R3HDM2: variants seen among roughly 807,000 people sequenced by gnomAD.
R3HDM2 encodes the protein R3H domain-containing protein 2.
A neutral mutation model predicts 124.5 loss-of-function variants in R3HDM2; 38 were observed. The ratio of observed to expected loss-of-function variants is 0.31; its 90% CI spans 0.24 to 0.40. The LOEUF is 0.40. Among genes scored for constraint, R3HDM2 ranks in the 10% least tolerant of loss-of-function variants. The pLI is 1.00. For missense variants in R3HDM2, 869 were observed against 1,236.9 expected (o/e 0.70, Z 4.46); for synonymous variants, 391 against 448.0 (o/e 0.87, Z 1.61).
At chr12:57,312,496 A>G (rs574339079) in intron 2 of R3HDM2, among the ~76,000 whole-genome samples, 4 of 152,240 alleles carry the variant, frequency 2.6e-5, no homozygotes, top group Non-Finnish European at 5.9e-5. Context: ...GCTCTTCAGC[A>G]GCTGCCTGGA....
In R3HDM2 at chr12:57,300,184, G is replaced by GA. The variant is rs1238831702; in HGVS notation, c.208-4dup. 7.1e-6 allele frequency: 11 copies of GA among 1,547,912 alleles called. No homozygotes were observed. The highest frequency in any genetic ancestry group is 8.7e-6 in the Non-Finnish European group (10 of 1,145,350). ...ACCAACTTTAGCTTGGAATTAGACTGAAAAAAACAAAAAACAATTTTCAAT... is the reference window on the plus strand; with the variant it reads ...ACCAACTTTAGCTTGGAATTAGACTGAAAAAAAACAAAAAACAATTTTCAAT... On this transcript the variant is annotated splice_polypyrimidine_tract_variant and splice_region_variant and intron_variant, in intron 4 of 23. Coordinates refer to ENST00000402412, the MANE Select transcript of R3HDM2 (RefSeq NM_001394031.1).
At chr12:57,346,865 C>T (rs1244563627) in intron 2 of R3HDM2, among the ~76,000 whole-genome samples, 1 of 152,126 alleles carries the variant, frequency 6.6e-6, no homozygotes, top group Non-Finnish European at 1.5e-5. Context: ...GCAACTACAA[C>T]ATAAAGAGGG....
chr12:57,262,357 G>A (rs1465596990), intron 19 of R3HDM2, among the ~76,000 whole-genome samples: 1 of 152,166 alleles, frequency 6.6e-6, no homozygotes, highest in Non-Finnish European at 1.5e-5. Context: ...GGGAGTCTCT[G>A]TATAGGTATC....
rs546379820 is a variant in R3HDM2, at chr12:57,364,013, T to C, written c.-36+31736A>G. Among the ~76,000 whole-genome samples, 7 of 152,312 alleles carry C rather than the reference T, an allele frequency of 4.6e-5. No homozygotes were observed. In the South Asian group the frequency reaches 1.4e-3, roughly 32 times the overall value. The stretch of plus-strand genomic sequence containing the variant: ...ATATAAAATTTTAGGTTGATAGGTT[T>C]TTTCATCTAGCATTTTAATGTTATC... On this transcript the variant is annotated intron_variant, in intron 2 of 23. Coordinates refer to ENST00000402412, the MANE Select transcript of R3HDM2 (RefSeq NM_001394031.1).
chr12:57,288,283 C>T (rs1039712743), intron 12 of R3HDM2, among the ~76,000 whole-genome samples: 4 of 151,984 alleles, frequency 2.6e-5, no homozygotes, highest in Non-Finnish European at 4.4e-5. Flanking sequence ...GGATTACAGG[C>T]GTGAGTCACC....
chr12:57,257,861 A>G (rs1395622116), intron 21 of R3HDM2, 129 bp downstream of exon 21: 29 of 1,017,426 alleles, frequency 2.9e-5, no homozygotes, highest in Non-Finnish European at 3.5e-5. Context: ...TGTTAAAGGA[A>G]GAGTTAACTC....
intron 2 of R3HDM2, among the ~76,000 whole-genome samples, chr12:57,391,300 C>T (rs2066648049): frequency 6.6e-6 from 1 of 152,016 alleles, no homozygotes; most frequent in Non-Finnish European, 1.5e-5. Context: ...TGATGAATCT[C>T]CAGATAATTA....
intron 2 of R3HDM2, among the ~76,000 whole-genome samples, chr12:57,327,661 C>A (rs900994288): frequency 6.6e-6 from 1 of 152,150 alleles, no homozygotes; most frequent in South Asian, 2.1e-4. Context: ...AAGTGGATTG[C>A]AACCCTTGCA....
chr12:57,343,764 TAAAAAAA>T (rs5798403), intron 2 of R3HDM2, among the ~76,000 whole-genome samples: 2 of 111,658 alleles, frequency 1.8e-5, no homozygotes, highest in Non-Finnish European at 3.8e-5. Flanking sequence ...TACAAAAGGT[TAAAAAAA>T]AAAAAAAAAA....
chr12:57,391,846 C>G (rs1190688290), intron 2 of R3HDM2, among the ~76,000 whole-genome samples: 1 of 152,152 alleles, frequency 6.6e-6, no homozygotes, highest in African/African-American at 2.4e-5. Flanking sequence ...CCACTATATT[C>G]CACATGTGCA....
chr12:57,423,673 G>C (rs956225340), intron 1 of R3HDM2, among the ~76,000 whole-genome samples: 1 of 150,886 alleles, frequency 6.6e-6, no homozygotes, highest in Non-Finnish European at 1.5e-5. Context: ...TTAGCCAGAC[G>C]TGGTGGCGGG....
intron 2 of R3HDM2, among the ~76,000 whole-genome samples, chr12:57,391,326 G>A (rs1408196454): frequency 6.6e-6 from 1 of 152,136 alleles, no homozygotes; most frequent in Non-Finnish European, 1.5e-5. Context: ...AGTGGGGCAG[G>A]GGTTGGGGTA....
At chr12:57,273,139 A>C (rs930250840) in intron 14 of R3HDM2, among the ~76,000 whole-genome samples, 1 of 152,044 alleles carries the variant, frequency 6.6e-6, no homozygotes, top group Non-Finnish European at 1.5e-5. Flanking sequence ...AACACCCAAG[A>C]TCATGCCTGC....
At chr12:57,348,719 AAAGAGAG>A (rs1555278514) in intron 2 of R3HDM2, among the ~76,000 whole-genome samples, 3 of 13,384 alleles carry the variant, frequency 2.2e-4, no homozygotes, top group African/African-American at 5.5e-4. Flanking sequence ...AAAAAAAAAA[AAAGAGAG>A]AGAAAAATTA....
intron 1 of R3HDM2, among the ~76,000 whole-genome samples, chr12:57,401,747 G>A (rs941734852): frequency 2.6e-5 from 4 of 152,164 alleles, no homozygotes; most frequent in African/African-American, 9.7e-5. Flanking sequence ...ATTTTGGGAG[G>A]CCAAGGTAGG....
chr12:57,299,541 G>T, intron 5 of R3HDM2, 63 bp from the exon 6 acceptor site: 3 of 1,451,304 alleles, frequency 2.1e-6, no homozygotes, highest in Non-Finnish European at 1.9e-6. Flanking sequence ...AGCTCCCTTG[G>T]AATCTCAAAG....
chr12:57,272,826 C>T (rs182567545), intron 14 of R3HDM2, among the ~76,000 whole-genome samples: 1 of 152,292 alleles, frequency 6.6e-6, no homozygotes, highest in Admixed American at 6.5e-5. Flanking sequence ...CCCCATTAGC[C>T]ATTCAGAACT....
In R3HDM2 at chr12:57,372,990, C is replaced by T. The variant is rs892161231; in HGVS notation, c.-36+22759G>A. Among the ~76,000 whole-genome samples, 4 of 152,186 alleles carry T rather than the reference C, an allele frequency of 2.6e-5. 1 individual carries two copies. Among genetic ancestry groups the T allele is most frequent in the Non-Finnish European group, 5.9e-5 (4 of 68,024 alleles). On this transcript the variant is annotated intron_variant, in intron 2 of 23. Coordinates refer to ENST00000402412, the MANE Select transcript of R3HDM2 (RefSeq NM_001394031.1). ...GCAGGAGGCCAAAGTGGGAGGATCG[C>T]TTGAGGCCAGGAGATTGATACTAGC... is the stretch of plus-strand genomic sequence containing the variant.
intron 2 of R3HDM2, among the ~76,000 whole-genome samples, chr12:57,360,674 A>AAAAGGAAAGGCGAAAGGAAAAAGG (rs2061818406): frequency 1.3e-5 from 2 of 152,086 alleles, no homozygotes; most frequent in African/African-American, 4.8e-5. Context: ...AAGGGAAGGA[A>AAAAGGAAAGGCGAAAGGAAAAAGG]AAAGGAAAGG....
Sources: allele counts gnomAD v4.1 joint callset (sites outside exome capture counted in the v4.1 genomes callset), GRCh38; gene constraint gnomAD v4.1.1; transcripts MANE v1.5; gene names NCBI Gene and HGNC (gene_info 2026-07-23, HGNC 2026-07-21).